Variants in FNDC3A observed in about 807,000 individuals in gnomAD.
FNDC3A encodes fibronectin type-III domain-containing protein 3A.
In FNDC3A, 32 loss-of-function variants were observed where a neutral mutation model predicts 148.9. The observed-to-expected ratio is 0.21, with a 90% confidence interval of 0.16 to 0.29. The LOEUF is 0.29. Among genes scored for constraint, FNDC3A ranks in the 10% least tolerant of loss-of-function variants. The pLI is 1.00. For missense variants in FNDC3A, 1,191 were observed against 1,452.8 expected, an observed-to-expected ratio of 0.82 and a Z score of 2.93; for synonymous variants, 472 against 473.6, an observed-to-expected ratio of 1.00 and a Z score of 0.04.
intron 4 of FNDC3A, among the ~76,000 whole-genome samples, chr13:49,117,349 T>C (rs1034291194): frequency 6.6e-6 from 1 of 152,216 alleles, no homozygotes; most frequent in African/African-American, 2.4e-5. Context: ...CTTTCAATTA[T>C]GTCCATTTTT....
intron 16 of FNDC3A, 38 bp from the exon 17 acceptor site, chr13:49,188,476 TA>T: frequency 8.1e-7 from 1 of 1,230,544 alleles, no homozygotes; most frequent in Non-Finnish European, 1.2e-6. Flanking sequence ...CGTTAAACAT[TA>T]CCTAGTATCT....
intron 4 of FNDC3A, among the ~76,000 whole-genome samples, chr13:49,122,999 T>G (rs1371065211): frequency 6.6e-6 from 1 of 152,148 alleles, no homozygotes; most frequent in African/African-American, 2.4e-5. Context: ...AAAAACTACT[T>G]TAAATTTCAT....
At chr13:49,014,032 A>C (rs1952432190) in intron 2 of FNDC3A, among the ~76,000 whole-genome samples, 1 of 145,860 alleles carries the variant, frequency 6.9e-6, no homozygotes, top group Non-Finnish European at 1.5e-5. Context: ...AGTCTTTGCT[A>C]TTGTGAATAA....
chr13:49,200,483 T>A (rs1368392550), intron 23 of FNDC3A, among the ~76,000 whole-genome samples: 1 of 152,156 alleles, frequency 6.6e-6, no homozygotes, highest in Non-Finnish European at 1.5e-5. Flanking sequence ...GCCATTTATC[T>A]TTAATATATG....
At chr13:49,145,970 T>C in intron 8 of FNDC3A, 35 bp downstream of exon 8, 1 of 1,514,894 alleles carries the variant, frequency 6.6e-7, no homozygotes, top group Non-Finnish European at 9.0e-7. Context: ...TCCCATTGTG[T>C]AAATTAATGG....
At chr13:49,095,193 TG>T (rs1320588774) in intron 3 of FNDC3A, among the ~76,000 whole-genome samples, 1 of 152,000 alleles carries the variant, frequency 6.6e-6, no homozygotes, top group African/African-American at 2.4e-5. Flanking sequence ...TGAGATACCA[TG>T]GTGTTTTTGG....
intron 3 of FNDC3A, 106 bp downstream of exon 3, chr13:49,075,470 C>A: frequency 1.6e-6 from 1 of 639,646 alleles, no homozygotes; most frequent in African/African-American, 1.9e-5. Flanking sequence ...TTCTCACTAC[C>A]AGCACACAAA....
intron 23 of FNDC3A, 119 bp from the exon 24 acceptor site, chr13:49,201,681 G>C: frequency 2.3e-6 from 1 of 439,964 alleles, no homozygotes; most frequent in South Asian, 1.1e-4. Context: ...CAAACTTTTG[G>C]GGTAACTTAT....
chr13:49,191,159 A>G, intron 18 of FNDC3A, 39 bp downstream of exon 18: 2 of 1,605,234 alleles, frequency 1.2e-6, no homozygotes, highest in Non-Finnish European at 1.7e-6. Flanking sequence ...ATTAAGCTAG[A>G]ACAGGAAGTA....
At chr13:49,187,713 G>A (rs911756273) in intron 16 of FNDC3A, 102 of 1,378,736 alleles carry the variant, frequency 7.4e-5, no homozygotes, top group South Asian at 4.3e-4. Flanking sequence ...AACCGAGGAC[G>A]GATGAAATGG....
intron 25 of FNDC3A, among the ~76,000 whole-genome samples, chr13:49,206,646 T>C (rs1287591834): frequency 6.6e-6 from 1 of 152,218 alleles, no homozygotes; most frequent in Non-Finnish European, 1.5e-5. Context: ...TCCATTTCAT[T>C]GTACAGATAT....
chr13:49,207,033 C>A (rs777052103), intron 25 of FNDC3A, 48 bp from the exon 26 acceptor site: 1 of 1,380,640 alleles, frequency 7.2e-7, no homozygotes, highest in Middle Eastern at 1.8e-4. Flanking sequence ...AACACATTTT[C>A]TGTCCAGCCT....
At chr13:49,079,094 A>T (rs1226273845) in intron 3 of FNDC3A, among the ~76,000 whole-genome samples, 1 of 152,200 alleles carries the variant, frequency 6.6e-6, no homozygotes, top group East Asian at 1.9e-4. Context: ...TTAGACATCT[A>T]AATAATTACC....
At chr13:49,148,907 G>C (rs1413350561) in intron 8 of FNDC3A, among the ~76,000 whole-genome samples, 1 of 152,096 alleles carries the variant, frequency 6.6e-6, no homozygotes, top group East Asian at 1.9e-4. Flanking sequence ...TTATCTTGTA[G>C]AGATCTTTCT....
At chr13:49,098,325 C>T (rs1382351572) in intron 3 of FNDC3A, among the ~76,000 whole-genome samples, 1 of 151,982 alleles carries the variant, frequency 6.6e-6, no homozygotes, top group Non-Finnish European at 1.5e-5. Flanking sequence ...ACAGGATTTG[C>T]GTCACTGATC....
intron 2 of FNDC3A, among the ~76,000 whole-genome samples, chr13:49,052,368 G>A (rs781765626): frequency 1.6e-4 from 24 of 152,076 alleles, no homozygotes; most frequent in Non-Finnish European, 3.4e-4. Flanking sequence ...TGTCCCATGG[G>A]GTCCTCCCTT....
intron 8 of FNDC3A, among the ~76,000 whole-genome samples, chr13:49,151,127 A>C (rs1883267520): frequency 1.3e-5 from 2 of 152,112 alleles, no homozygotes; most frequent in African/African-American, 4.8e-5. Flanking sequence ...AAATACAATG[A>C]AATTTCTTTG....
chr13:49,105,453 A>G (rs113955654), intron 3 of FNDC3A, among the ~76,000 whole-genome samples: 1 of 152,196 alleles, frequency 6.6e-6, no homozygotes, highest in African/African-American at 2.4e-5. Context: ...TTCTCTATCT[A>G]CTTTAATTCC....
intron 2 of FNDC3A, among the ~76,000 whole-genome samples, chr13:49,031,787 C>T (rs1327116963): frequency 6.6e-6 from 1 of 151,948 alleles, no homozygotes; most frequent in Non-Finnish European, 1.5e-5. Flanking sequence ...CAGTATACTT[C>T]ATCAAAATTG....
Sources: allele counts gnomAD v4.1 joint callset (sites outside exome capture counted in the v4.1 genomes callset), GRCh38; gene constraint gnomAD v4.1.1; transcripts MANE v1.5; gene names NCBI Gene and HGNC (gene_info 2026-07-23, HGNC 2026-07-21).